FAM178B: variants seen among roughly 807,000 people sequenced by gnomAD.
The protein encoded by FAM178B is protein FAM178B.
FAM178B carries 82 observed loss-of-function variants against 91.7 expected under a neutral mutation model. The ratio of observed to expected loss-of-function variants is 0.89; its 90% CI spans 0.75 to 1.07. The LOEUF (loss-of-function observed/expected upper bound fraction) is 1.07. FAM178B is among the 50% of genes least tolerant of loss of function. FAM178B has a pLI of 0.00. For synonymous variants in FAM178B, 368 were observed against 359.4 expected (o/e 1.02, Z -0.27); for missense variants, 769 against 846.7 (o/e 0.91, Z 1.14).
chr2:96,907,727 G>T (rs910469801), intron 12 of FAM178B, among the ~76,000 whole-genome samples: 1 of 152,204 alleles, frequency 6.6e-6, no homozygotes, highest in African/African-American at 2.4e-5. Flanking sequence ...CCTAGCCTCC[G>T]CAAGGGGCAC....
intron 6 of FAM178B, among the ~76,000 whole-genome samples, chr2:96,955,225 G>C (rs1442508192): frequency 6.6e-6 from 1 of 151,754 alleles, no homozygotes; most frequent in African/African-American, 2.4e-5. Flanking sequence ...AATTAGCCAT[G>C]CGAGACCGGG....
At chr2:96,896,402 C>A (rs769291412) in intron 13 of FAM178B, among the ~76,000 whole-genome samples, 7 of 152,346 alleles carry the variant, frequency 4.6e-5, no homozygotes, top group Middle Eastern at 3.4e-3. Flanking sequence ...CTCCCCCACA[C>A]ACAAACCCCT....
In FAM178B at chr2:96,972,554, G is replaced by T. The variant is rs769425196; in HGVS notation, c.126C>A (p.Ala42=). 3 of 1,551,696 alleles carry T rather than the reference G, an allele frequency of 1.9e-6. No homozygotes were observed. In the South Asian group the frequency reaches 3.6e-5, roughly 18 times the overall value. The change falls in exon 2 of 17, where the codon GCC becomes GCA. Residue 42 remains alanine, a synonymous_variant. Transcript: ENST00000490605. ...GACGCCTACCTTCTCTCAGAGGAAG[G>T]GCTAGCACCGTCTCCTGGGGCCCAG... ...QMAGPQETVL[A]LPLREGVQAA... is the part of the protein sequence containing the mutation.
At chr2:96,978,471 G>C (rs1347095310) in intron 1 of FAM178B, among the ~76,000 whole-genome samples, 1 of 152,050 alleles carries the variant, frequency 6.6e-6, no homozygotes, top group African/African-American at 2.4e-5. Context: ...GGAGTCCCCA[G>C]TGTCTGTGGC....
At chr2:96,915,307 G>A (rs919719898) in intron 12 of FAM178B, among the ~76,000 whole-genome samples, 6 of 150,808 alleles carry the variant, frequency 4.0e-5, no homozygotes, top group South Asian at 2.1e-4. Flanking sequence ...TAGTAGAGAC[G>A]GGGTTTCACC....
chr2:96,935,388 G>A (rs954501623), intron 8 of FAM178B, among the ~76,000 whole-genome samples: 2 of 152,118 alleles, frequency 1.3e-5, no homozygotes, highest in African/African-American at 2.4e-5. Context: ...ACGGCTGGTA[G>A]AGGCCCAGCT....
intron 8 of FAM178B, among the ~76,000 whole-genome samples, chr2:96,935,580 AG>A (rs2081610286): frequency 6.6e-6 from 1 of 151,892 alleles, no homozygotes. Flanking sequence ...AGAGTTTCCC[AG>A]TAATGTCCCT....
At chr2:96,934,604 G>A (rs2081594534) in intron 8 of FAM178B, among the ~76,000 whole-genome samples, 2 of 152,144 alleles carry the variant, frequency 1.3e-5, no homozygotes, top group Admixed American at 1.3e-4. Flanking sequence ...CGATGACAGT[G>A]TAAGCACAGG....
At chr2:96,917,148 C>G (rs1010844065) in intron 12 of FAM178B, among the ~76,000 whole-genome samples, 1 of 152,202 alleles carries the variant, frequency 6.6e-6, no homozygotes, top group Non-Finnish European at 1.5e-5. Flanking sequence ...CCAGGTGGCT[C>G]TGGCTCAGGG....
chr2:96,938,737 C>T (rs2081673663), intron 8 of FAM178B, among the ~76,000 whole-genome samples: 2 of 152,258 alleles, frequency 1.3e-5, no homozygotes, highest in South Asian at 4.1e-4. Flanking sequence ...GAGCTCACGG[C>T]CCATTGGGAG....
intron 8 of FAM178B, among the ~76,000 whole-genome samples, chr2:96,931,257 C>T (rs182184574): frequency 1.9e-3 from 294 of 152,326 alleles, no homozygotes; most frequent in Non-Finnish European, 3.0e-3. Flanking sequence ...CTTCAGCACA[C>T]TCCACTGTGT....
intron 12 of FAM178B, among the ~76,000 whole-genome samples, chr2:96,905,846 ATATATATATATATATTTTTTTTTTTT>A (rs1422581128): frequency 2.4e-3 from 64 of 26,916 alleles, no homozygotes; most frequent in African/African-American, 7.8e-3. Context: ...ATATATATAT[ATATATATATATATATTTTTTTTTTTT>A]TTTTTTTTTT....
At chr2:96,913,913 A>G (rs1415867671) in intron 12 of FAM178B, among the ~76,000 whole-genome samples, 1 of 152,216 alleles carries the variant, frequency 6.6e-6, no homozygotes, top group Non-Finnish European at 1.5e-5. Flanking sequence ...GCTTCTGTGC[A>G]GAGGAGGGTG....
intron 12 of FAM178B, among the ~76,000 whole-genome samples, chr2:96,912,093 T>C (rs2153370129): frequency 6.6e-6 from 1 of 152,150 alleles, no homozygotes; most frequent in Middle Eastern, 3.4e-3. Flanking sequence ...GGAGAGAGGA[T>C]GCAGGGAATT....
At chr2:96,889,202 C>T (rs1014915856) in intron 14 of FAM178B, among the ~76,000 whole-genome samples, 3 of 152,206 alleles carry the variant, frequency 2.0e-5, no homozygotes, top group Non-Finnish European at 4.4e-5. Flanking sequence ...TCTGCCCCAG[C>T]TCTGGGACCA....
intron 10 of FAM178B, among the ~76,000 whole-genome samples, chr2:96,922,693 T>C (rs1246632918): frequency 6.6e-6 from 1 of 152,120 alleles, no homozygotes; most frequent in Non-Finnish European, 1.5e-5. Context: ...TTTTACTCTA[T>C]GGATTTGCTT....
chr2:96,888,852 T>TA (rs1366354272), intron 14 of FAM178B, among the ~76,000 whole-genome samples: 1 of 152,052 alleles, frequency 6.6e-6, no homozygotes, highest in Non-Finnish European at 1.5e-5. Context: ...GGGCTGAGTT[T>TA]ATCCCAGAGC....
intron 10 of FAM178B, among the ~76,000 whole-genome samples, chr2:96,922,773 C>G (rs2081364372): frequency 1.3e-5 from 2 of 152,100 alleles, no homozygotes. Context: ...GGTGCAATCT[C>G]AGCTCACTGC....
chr2:96,983,591 A>G (rs1478521637), intron 1 of FAM178B, among the ~76,000 whole-genome samples: 2 of 152,108 alleles, frequency 1.3e-5, no homozygotes, highest in East Asian at 1.9e-4. Flanking sequence ...ATGCCCAGCT[A>G]ATTTTTATAT....
Sources: gnomAD v4.1 joint callset for allele counts (sites outside exome capture counted in the v4.1 genomes callset) on GRCh38, gnomAD v4.1.1 for gene constraint, MANE v1.5 for transcripts, NCBI Gene and HGNC (gene_info 2026-07-23, HGNC 2026-07-21) for gene names.